PRUNE1: variants seen among roughly 807,000 people sequenced by gnomAD.
The protein encoded by PRUNE1 is prune exopolyphosphatase 1, also known as exopolyphosphatase PRUNE1.
PRUNE1 carries 25 observed loss-of-function variants against 42.5 expected under a neutral mutation model. That is an observed-to-expected ratio of 0.59 (90% CI 0.43 to 0.82). The LOEUF is 0.82. Ranked by LOEUF, PRUNE1 falls within the 40% of genes least tolerant of loss-of-function variation. The pLI is 0.00. For missense variants in PRUNE1, 443 were observed against 539.3 expected (o/e 0.82, Z 1.77); for synonymous variants, 203 against 217.1 (o/e 0.93, Z 0.57).
At chr1:151,030,677 G>C (rs1052827960) in intron 7 of PRUNE1, among the ~76,000 whole-genome samples, 1 of 152,016 alleles carries the variant, frequency 6.6e-6, no homozygotes. Context: ...GTAGAGATGG[G>C]GTTTCACCAT....
At chr1:151,013,652 G>C (rs1020238927) in intron 1 of PRUNE1, among the ~76,000 whole-genome samples, 1 of 152,072 alleles carries the variant, frequency 6.6e-6, no homozygotes, top group Admixed American at 6.6e-5. Context: ...TTTCTCCACT[G>C]CTCTTATGTT....
chr1:151,020,751 G>C lies in PRUNE1; in HGVS notation c.335+2082G>C, dbSNP rs587683300. Among the ~76,000 whole-genome samples the C allele has an allele frequency of 2.6e-5, 4 of 152,214 alleles. No homozygotes were observed. In the East Asian group the frequency reaches 5.8e-4, roughly 22 times the overall value. On this transcript the variant is annotated intron_variant, in intron 3 of 7. Coordinates refer to ENST00000271620, the MANE Select transcript of PRUNE1 (RefSeq NM_021222.3). ...AATCCCAGCACTTTGGGAGGCTGAGGGGGGCGGATCATGAGGTCAGGAGAT... is the reference window on the plus strand; with the variant it reads ...AATCCCAGCACTTTGGGAGGCTGAGCGGGGCGGATCATGAGGTCAGGAGAT...
chr1:151,015,418 G>A (rs1176586257), intron 1 of PRUNE1, among the ~76,000 whole-genome samples: 15 of 149,526 alleles, frequency 1.0e-4, no homozygotes, highest in Admixed American at 4.0e-4. Flanking sequence ...GGCGGATCAC[G>A]AGGTCAGGAG....
At chr1:151,010,671 AT>A (rs35204921) in intron 1 of PRUNE1, among the ~76,000 whole-genome samples, 24,155 of 135,266 alleles carry the variant, frequency 0.18, 2,136 homozygotes, top group East Asian at 0.41. Flanking sequence ...AATTGCTTTA[AT>A]TTTTTTTTTT....
At chr1:151,026,687 A>C (rs746928959) in intron 5 of PRUNE1, among the ~76,000 whole-genome samples, 2 of 152,108 alleles carry the variant, frequency 1.3e-5, no homozygotes, top group African/African-American at 4.8e-5. Flanking sequence ...AAAGAAAGAA[A>C]GAACTCACAT....
chr1:151,017,976 C>G, intron 2 of PRUNE1, 72 bp downstream of exon 2: 1 of 1,049,406 alleles, frequency 9.5e-7, no homozygotes, highest in East Asian at 2.4e-5. Flanking sequence ...AGACCCAGCT[C>G]TACCACTTAC....
At chr1:151,012,867 G>C (rs587685829) in intron 1 of PRUNE1, among the ~76,000 whole-genome samples, 1 of 152,108 alleles carries the variant, frequency 6.6e-6, no homozygotes, top group South Asian at 2.1e-4. Flanking sequence ...CGCCTCCCGG[G>C]TTCAAGCAAT....
intron 1 of PRUNE1, among the ~76,000 whole-genome samples, chr1:151,015,410 C>T (rs9661107): frequency 0.09 from 13,287 of 147,626 alleles, 734 homozygotes; most frequent in African/African-American, 0.16. Context: ...CTGAGGCGGG[C>T]GGATCACGAG....
chr1:151,027,151 A>T (rs1048694286), intron 5 of PRUNE1, 82 bp from the exon 6 acceptor site: 16 of 914,136 alleles, frequency 1.8e-5, no homozygotes, highest in Admixed American at 6.2e-5. Flanking sequence ...TCCTTCCTTG[A>T]CCCATCTGGC....
intron 7 of PRUNE1, 39 bp downstream of exon 7, chr1:151,028,983 G>C (rs1675058496): frequency 6.4e-7 from 1 of 1,569,154 alleles, no homozygotes; most frequent in Non-Finnish European, 8.8e-7. Context: ...GAGCCTTACA[G>C]AGTCTGCCTG....
Position 151,018,613 on chromosome 1 carries a change from A to C in PRUNE1, c.279A>C (p.Ala93=). The change falls in exon 3 of 8, where the codon GCA becomes GCC. Residue 93 remains alanine (A), a synonymous_variant. Transcript: ENST00000271620. The stretch of plus-strand genomic sequence containing the variant: ...TTCGGGATGAGATTGACCTCCATGC[A>C]TTATACCAGGCTGGCCAACTCACCC... ...LIFRDEIDLH[A]LYQAGQLTLI... 1 of 1,614,230 alleles carries C rather than the reference A, an allele frequency of 6.2e-7. No homozygotes were observed. The highest frequency in any genetic ancestry group is 8.5e-7 in the Non-Finnish European group (1 of 1,180,044).
Position 151,025,561 on chromosome 1 carries a change from G to A in PRUNE1, c.567G>A (p.Lys189=). 1 of 1,613,878 alleles carries A rather than the reference G, an allele frequency of 6.2e-7. No homozygotes were observed. Among genetic ancestry groups the A allele is most frequent in the East Asian group, 2.2e-5 (1 of 44,880 alleles). Residue 189 remains lysine (K), a synonymous_variant, in exon 5 of 8, where the codon AAG becomes AAA. Transcript: ENST00000271620. ...DCVNMDLKIG[K]ATPKDSKYVE... Reference sequence around the variant, plus strand: ...TCAACATGGACCTTAAAATTGGAAAGGCAACCCCAAAGGACAGCAAATATG... The same window carrying A: ...TCAACATGGACCTTAAAATTGGAAAAGCAACCCCAAAGGACAGCAAATATG...
In PRUNE1 at chr1:151,021,590, T is replaced by A. The variant is rs113068235; in HGVS notation, c.335+2921T>A. Among the ~76,000 whole-genome samples the A allele has an allele frequency of 3.4e-3, 517 of 152,322 alleles. 3 individuals carry two copies. The highest frequency in any genetic ancestry group is 7.9e-3 in the South Asian group (38 of 4,830). On this transcript the variant is annotated intron_variant, in intron 3 of 7. Transcript: ENST00000271620. Reference sequence around the variant, plus strand: ...AAGCAACACGATTATGTGACTTTCCTAAGTCTGTTTGGCTCCTGCTAATAT... The same window carrying A: ...AAGCAACACGATTATGTGACTTTCCAAAGTCTGTTTGGCTCCTGCTAATAT...
At chr1:151,008,790 G>T in intron 1 of PRUNE1, 119 bp downstream of exon 1, 2 of 1,276,866 alleles carry the variant, frequency 1.6e-6, no homozygotes, top group Non-Finnish European at 2.3e-6. Context: ...TTGTGGGGAG[G>T]GGGGTTGGGG....
chr1:151,028,965 C>A, intron 7 of PRUNE1, 21 bp downstream of exon 7: 1 of 1,599,906 alleles, frequency 6.3e-7, no homozygotes, highest in Non-Finnish European at 8.6e-7. Flanking sequence ...GTCCCTTCTC[C>A]AACCTAAGAG....
At chr1:151,008,755 C>A (rs1673522589) in intron 1 of PRUNE1, 84 bp downstream of exon 1, 2 of 1,447,356 alleles carry the variant, frequency 1.4e-6, no homozygotes, top group Non-Finnish European at 9.7e-7. Context: ...GGAGCCTCGA[C>A]GGTCCGTGTG....
intron 1 of PRUNE1, among the ~76,000 whole-genome samples, chr1:151,013,282 G>A (rs1487293623): frequency 6.6e-6 from 1 of 152,198 alleles, no homozygotes; most frequent in Admixed American, 6.5e-5. Context: ...GACAGTGGGT[G>A]TTGACAGGGG....
chr1:151,034,552 A>C lies in PRUNE1; in HGVS notation c.*318A>C. 6.7e-6 allele frequency: 2 copies of C among 298,408 alleles called. No homozygotes were observed. Among genetic ancestry groups the C allele is most frequent in the Non-Finnish European group, 6.4e-6 (1 of 156,702 alleles). The allele number at this position is 298,408 out of a possible 1,614,324, so 18.5% of individuals were successfully genotyped here. A position where few individuals can be genotyped will look rare whatever the true frequency, so the allele number is the denominator to read the frequency against. ...GGGACAAAAAGAATTTAGACCCCAA[A>C]AGTGTCCTCGGCATGGATCTTGAAC... On this transcript the variant is annotated 3_prime_UTR_variant, in exon 8 of 8. Transcript: ENST00000271620.
rs1169503707 is a variant in PRUNE1 at position 151,034,885 on chromosome 1, T to A, written c.*651T>A. On this transcript the variant is annotated 3_prime_UTR_variant, in exon 8 of 8. Coordinates refer to ENST00000271620, the MANE Select transcript of PRUNE1 (RefSeq NM_021222.3). ...GCCATTGTCTTCTGTCCTGATCAGG[T>A]GGCCTGGCTGTTTCTTTGGATCCCT... 1 of 152,750 alleles carries A rather than the reference T, an allele frequency of 6.5e-6. No individual in the cohort carries two copies. The highest frequency in any genetic ancestry group is 2.4e-5 in the African/African-American group (1 of 41,450). 9.5% of individuals were successfully genotyped at this position (152,750 alleles called of 1,614,324 possible).
Sources: gnomAD v4.1 joint callset for allele counts (sites outside exome capture counted in the v4.1 genomes callset) on GRCh38, gnomAD v4.1.1 for gene constraint, MANE v1.5 for transcripts, NCBI Gene and HGNC (gene_info 2026-07-23, HGNC 2026-07-21) for gene names.